SLCO3A1: variants seen among roughly 807,000 people sequenced by gnomAD.
SLCO3A1 encodes the protein PGE1 transporter.
SLCO3A1 carries 27 observed loss-of-function variants against 63.1 expected under a neutral mutation model. That is an observed-to-expected ratio of 0.43 (90% CI 0.32 to 0.59). The LOEUF (loss-of-function observed/expected upper bound fraction) is 0.59. SLCO3A1 is among the 20% of genes least tolerant of loss of function. SLCO3A1 has a pLI of 0.09. For synonymous variants in SLCO3A1, 473 were observed against 409.9 expected (o/e 1.15, Z -1.86); for missense variants, 773 against 945.8 (o/e 0.82, Z 2.40).
Position 92,165,441 on chromosome 15 carries a change from A to AACTC in SLCO3A1, c.*2308_*2311dup. 1 of 985,220 alleles carries AACTC rather than the reference A, an allele frequency of 1.0e-6. No individual in the cohort carries two copies. Among genetic ancestry groups the AACTC allele is most frequent in the Non-Finnish European group, 1.2e-6 (1 of 829,766 alleles). The allele number at this position is 985,220 out of a possible 1,614,324, so 61.0% of individuals were successfully genotyped here. On this transcript the variant is annotated 3_prime_UTR_variant, in exon 10 of 10. Transcript: ENST00000318445. ...TTATAGATTATTGCTTGGCCCTTCA[A>AACTC]ACTCAGTACACACACACTGAGGCCC...
intron 2 of SLCO3A1, among the ~76,000 whole-genome samples, chr15:91,972,324 AG>A (rs1196769719): frequency 6.6e-6 from 1 of 152,118 alleles, no homozygotes; most frequent in East Asian, 1.9e-4. Flanking sequence ...TCCTAACCCA[AG>A]GTGGGTTAGA....
intron 2 of SLCO3A1, among the ~76,000 whole-genome samples, chr15:92,081,190 T>C (rs933375847): frequency 5.3e-5 from 8 of 152,170 alleles, no homozygotes; most frequent in Admixed American, 5.2e-4. Context: ...CTAGAGTTTA[T>C]TCATCCTGTC....
intron 2 of SLCO3A1, among the ~76,000 whole-genome samples, chr15:91,969,475 T>A (rs932149805): frequency 6.6e-6 from 1 of 152,088 alleles, no homozygotes; most frequent in Admixed American, 6.5e-5. Flanking sequence ...CTGGCTAATT[T>A]TTGTATTTTT....
At chr15:91,861,854 G>T (rs748564475) in intron 1 of SLCO3A1, among the ~76,000 whole-genome samples, 14 of 150,838 alleles carry the variant, frequency 9.3e-5, no homozygotes, top group Non-Finnish European at 1.9e-4. Flanking sequence ...TGTCCAGGCT[G>T]GTCTTGAACT....
At chr15:92,014,640 C>T (rs1438867100) in intron 2 of SLCO3A1, among the ~76,000 whole-genome samples, 1 of 152,172 alleles carries the variant, frequency 6.6e-6, no homozygotes, top group East Asian at 1.9e-4. Context: ...CACTAAAACA[C>T]TTGCCTTTAA....
rs1567161577 is a variant in SLCO3A1 at position 91,863,330 on chromosome 15, G to T, written c.180+9242G>T. Among the ~76,000 whole-genome samples the T allele has an allele frequency of 6.6e-6, 1 of 152,222 alleles. No individual in the cohort carries two copies. Among genetic ancestry groups the T allele is most frequent in the Non-Finnish European group, 1.5e-5 (1 of 68,048 alleles). ...CCAGGGGTACAGGAGGCTTGTCCTG[G>T]GTCTGTGGTCACTGTAGCTTTCAGG... On this transcript the variant is annotated intron_variant, in intron 1 of 9. Coordinates refer to ENST00000318445, the MANE Select transcript of SLCO3A1 (RefSeq NM_013272.4). This position sits in a 1 kb window ranked among gnomAD's most constrained non-coding sequence, Gnocchi z 4.3.
chr15:92,048,998 G>A lies in SLCO3A1; in HGVS notation c.647-45883G>A, dbSNP rs1032174980. 2.0e-5 allele frequency among the ~76,000 whole-genome samples: 3 copies of A among 152,222 alleles called. No homozygotes were observed. The East Asian group carries it at 5.8e-4, about 29-fold the overall frequency. On this transcript the variant is annotated intron_variant, in intron 2 of 9. Coordinates refer to ENST00000318445, the MANE Select transcript of SLCO3A1 (RefSeq NM_013272.4). ...GCTTTAGCCCCATTTTACAGATGAG[G>A]CAGCCAAAGCCTGGAGAGGTTATAT...
intron 1 of SLCO3A1, among the ~76,000 whole-genome samples, chr15:91,892,082 C>A (rs757530400): frequency 6.6e-6 from 1 of 152,200 alleles, no homozygotes; most frequent in Non-Finnish European, 1.5e-5. Context: ...CCCCCTCCCC[C>A]CAGCTTTGCC....
intron 2 of SLCO3A1, among the ~76,000 whole-genome samples, chr15:91,989,295 C>T (rs892763411): frequency 1.2e-4 from 19 of 152,142 alleles, no homozygotes; most frequent in Non-Finnish European, 2.1e-4. Context: ...CTGCTGCAGC[C>T]CTTAACGTAC....
intron 2 of SLCO3A1, among the ~76,000 whole-genome samples, chr15:91,999,010 A>G (rs1490238063): frequency 2.0e-5 from 3 of 152,268 alleles, no homozygotes; most frequent in Admixed American, 6.5e-5. Flanking sequence ...GCGGGAGGCC[A>G]TTATCCTAAG....
chr15:91,999,548 AC>A (rs1282897392), intron 2 of SLCO3A1, among the ~76,000 whole-genome samples: 1 of 152,174 alleles, frequency 6.6e-6, no homozygotes, highest in Non-Finnish European at 1.5e-5. Context: ...ACAAAGAGAT[AC>A]TGTCCTACAC....
intron 1 of SLCO3A1, among the ~76,000 whole-genome samples, chr15:91,869,497 C>T (rs1275781409): frequency 1.3e-5 from 2 of 149,896 alleles, no homozygotes; most frequent in African/African-American, 2.5e-5. Flanking sequence ...GATGGCGCCA[C>T]TGCACTCCAG....
At chr15:91,930,607 C>G (rs143084649) in intron 2 of SLCO3A1, among the ~76,000 whole-genome samples, 1 of 152,182 alleles carries the variant, frequency 6.6e-6, no homozygotes. Context: ...TTTATTCATT[C>G]ATTCAACACA....
At chr15:91,929,938 A>C (rs371162794) in intron 2 of SLCO3A1, among the ~76,000 whole-genome samples, 2 of 152,140 alleles carry the variant, frequency 1.3e-5, no homozygotes, top group Non-Finnish European at 2.9e-5. Flanking sequence ...TTGTCCATTC[A>C]TCTATGAATG....
intron 2 of SLCO3A1, among the ~76,000 whole-genome samples, chr15:91,977,741 A>G (rs925290915): frequency 6.6e-6 from 1 of 152,234 alleles, no homozygotes; most frequent in Non-Finnish European, 1.5e-5. Context: ...CTGTACCCCA[A>G]AAACTATCAA....
chr15:92,091,265 G>C (rs1240486195), intron 2 of SLCO3A1, among the ~76,000 whole-genome samples: 1 of 152,132 alleles, frequency 6.6e-6, no homozygotes, highest in African/African-American at 2.4e-5. Context: ...TCCCTGACTA[G>C]GGAATCCCAG....
rs749996753 is a variant in SLCO3A1 at position 91,941,368 on chromosome 15, C to G, written c.646+24910C>G. On this transcript the variant is annotated intron_variant, in intron 2 of 9. Transcript: ENST00000318445. This position sits in a 1 kb window ranked among gnomAD's most constrained non-coding sequence, Gnocchi z 4.4. ...GGACTGAGCCCAAAGACCTGAGATTCCCTGGGAGGCTGTGGGGTCTGCCAC... is the reference window on the plus strand; with the variant it reads ...GGACTGAGCCCAAAGACCTGAGATTGCCTGGGAGGCTGTGGGGTCTGCCAC... 1.4e-5 allele frequency: 5 copies of G among 367,062 alleles called. No individual in the cohort carries two copies. The highest frequency in any genetic ancestry group is 2.1e-5 in the Non-Finnish European group (4 of 186,894). 22.7% of individuals were successfully genotyped at this position (367,062 alleles called of 1,614,324 possible).
chr15:91,984,059 G>T (rs1048552351), intron 2 of SLCO3A1, among the ~76,000 whole-genome samples: 2 of 152,150 alleles, frequency 1.3e-5, no homozygotes, highest in Non-Finnish European at 2.9e-5. Context: ...CCAAACAAGG[G>T]TTCTGTTTAT....
intron 8 of SLCO3A1, chr15:92,148,929 A>G (rs1596147340): frequency 6.6e-6 from 1 of 152,240 alleles, no homozygotes; most frequent in Non-Finnish European, 1.5e-5. Context: ...TGATTATAAT[A>G]TGCATTTGGA....
Sources: allele counts gnomAD v4.1 joint callset (sites outside exome capture counted in the v4.1 genomes callset), GRCh38; gene constraint gnomAD v4.1.1; non-coding constraint Gnocchi (gnomAD v3.1); transcripts MANE v1.5; gene names NCBI Gene and HGNC (gene_info 2026-07-23, HGNC 2026-07-21).